The following KCNIP4 variants were observed in gnomAD, a reference collection of about 807,000 sequenced individuals.
KCNIP4 encodes potassium voltage-gated channel interacting protein 4, also known as Kv channel-interacting protein 4.
In KCNIP4, 12 loss-of-function variants were observed where a neutral mutation model predicts 34.0. That is an observed-to-expected ratio of 0.35 (90% CI 0.23 to 0.57). KCNIP4 has a LOEUF of 0.57. Ranked by LOEUF, KCNIP4 falls within the 20% of genes least tolerant of loss-of-function variation. The pLI is 0.83. For missense variants in KCNIP4, 238 were observed against 311.7 expected (o/e 0.76, Z 1.78); for synonymous variants, 124 against 102.2 (o/e 1.21, Z -1.29).
At chr4:21,191,049 C>T (rs746829821) in intron 1 of KCNIP4, among the ~76,000 whole-genome samples, 1 of 152,146 alleles carries the variant, frequency 6.6e-6, no homozygotes, top group Non-Finnish European at 1.5e-5. Flanking sequence ...AATCTGCTAG[C>T]GTTATTTTTT....
chr4:21,385,595 C>T lies in KCNIP4; in HGVS notation c.62-502886G>A, dbSNP rs140781132. Among the ~76,000 whole-genome samples, 6 of 152,144 alleles carry T rather than the reference C, an allele frequency of 3.9e-5. No homozygotes were observed. In the East Asian group the frequency reaches 7.7e-4, roughly 20 times the overall value. On this transcript the variant is annotated intron_variant, in intron 1 of 8. Transcript: ENST00000382152. ...AGTGCTAAAACATATAGAATGATTG[C>T]GAATAGCAAAAGGATTCACATATTT...
rs972721310 is a variant in KCNIP4 at position 20,873,186 on chromosome 4, C to T, written c.163+9422G>A. On this transcript the variant is annotated intron_variant, in intron 2 of 8. Coordinates refer to ENST00000382152, the MANE Select transcript of KCNIP4 (RefSeq NM_025221.6). ...AGGCAGGGCAGTCTAGTGGTAAAGA[C>T]ACTAAGCTTTGGTATTATGCCATTG... Among the ~76,000 whole-genome samples, 26 of 152,180 alleles carry T rather than the reference C, an allele frequency of 1.7e-4. 1 individual carries two copies. Among genetic ancestry groups the T allele is most frequent in the Non-Finnish European group, 5.9e-5 (4 of 68,032 alleles).
At chr4:21,772,394 T>C (rs1450041790) in intron 1 of KCNIP4, among the ~76,000 whole-genome samples, 1 of 152,128 alleles carries the variant, frequency 6.6e-6, no homozygotes, top group Non-Finnish European at 1.5e-5. Flanking sequence ...TCTTTTTTTG[T>C]TTTGTCTCTT....
At chr4:20,949,944 C>G (rs1309550440) in intron 1 of KCNIP4, among the ~76,000 whole-genome samples, 1 of 150,198 alleles carries the variant, frequency 6.7e-6, no homozygotes, top group African/African-American at 2.5e-5. Context: ...ACCAGCATGG[C>G]ACATGTATAC....
intron 1 of KCNIP4, among the ~76,000 whole-genome samples, chr4:21,738,438 C>T (rs1440239179): frequency 2.6e-5 from 4 of 152,080 alleles, no homozygotes; most frequent in African/African-American, 9.7e-5. Flanking sequence ...ATAACTTAAG[C>T]CTAAACAAAA....
intron 1 of KCNIP4, among the ~76,000 whole-genome samples, chr4:21,318,287 T>C (rs959756358): frequency 2.6e-5 from 4 of 152,206 alleles, no homozygotes; most frequent in Admixed American, 6.5e-5. Flanking sequence ...AATAAGCCTT[T>C]TGTGTTATCA....
chr4:20,803,727 GAGGAAGGA>G (rs1553898989), intron 3 of KCNIP4, among the ~76,000 whole-genome samples: 1 of 91,442 alleles, frequency 1.1e-5, no homozygotes, highest in Non-Finnish European at 2.4e-5. Flanking sequence ...GAGAGAGAGA[GAGGAAGGA>G]AGGAAGGAAG....
chr4:21,654,497 G>GTTT (rs74402567), intron 1 of KCNIP4, among the ~76,000 whole-genome samples: 1 of 144,382 alleles, frequency 6.9e-6, no homozygotes, highest in African/African-American at 2.6e-5. Flanking sequence ...TGATTAAAAT[G>GTTT]TTTTTTTTTT....
At chr4:21,203,051 T>C (rs1421625539) in intron 1 of KCNIP4, among the ~76,000 whole-genome samples, 1 of 152,224 alleles carries the variant, frequency 6.6e-6, no homozygotes. Context: ...ACTTGGCTAC[T>C]CTCCTGAGCT....
chr4:21,272,131 T>C (rs758824052), intron 1 of KCNIP4, among the ~76,000 whole-genome samples: 4 of 152,164 alleles, frequency 2.6e-5, no homozygotes, highest in Non-Finnish European at 4.4e-5. Flanking sequence ...GACTGCTGGG[T>C]TCCATTCATA....
intron 3 of KCNIP4, among the ~76,000 whole-genome samples, chr4:20,764,707 C>CA (rs1553892150): frequency 6.6e-6 from 1 of 151,312 alleles, no homozygotes; most frequent in Non-Finnish European, 1.5e-5. Context: ...CACACACACA[C>CA]AACCCCATGA....
At position 20,904,273 on chromosome 4, in the gene KCNIP4, G is replaced by A. The variant is rs529658039; in HGVS notation, c.62-21564C>T. 1.0e-4 allele frequency among the ~76,000 whole-genome samples: 15 copies of A among 150,644 alleles called. No homozygotes were observed. In the South Asian group the frequency reaches 3.1e-3, roughly 31 times the overall value. On this transcript the variant is annotated intron_variant, in intron 1 of 8. Coordinates refer to ENST00000382152, the MANE Select transcript of KCNIP4 (RefSeq NM_025221.6). ...TTTTTATCAATGATTGATTTTATGG[G>A]GCATTGATTTATAATAGTAACAATA... is the stretch of plus-strand genomic sequence containing the variant.
intron 1 of KCNIP4, among the ~76,000 whole-genome samples, chr4:21,078,709 T>C (rs561960707): frequency 1.3e-5 from 2 of 152,232 alleles, no homozygotes; most frequent in South Asian, 4.1e-4. Flanking sequence ...ATGATGAGTT[T>C]ACATTAAATC....
chr4:21,848,687 C>T (rs1426366325), intron 1 of KCNIP4: 1 of 152,088 alleles, frequency 6.6e-6, no homozygotes, highest in Non-Finnish European at 1.5e-5. Flanking sequence ...GGTTCTTGAT[C>T]ATCACCGCAG....
At chr4:21,361,310 A>C (rs777344088) in intron 1 of KCNIP4, among the ~76,000 whole-genome samples, 4 of 152,068 alleles carry the variant, frequency 2.6e-5, no homozygotes, top group Admixed American at 6.6e-5. Context: ...ATCATAATGA[A>C]ATCATAATGA....
intron 1 of KCNIP4, among the ~76,000 whole-genome samples, chr4:21,646,280 C>T (rs141747221): frequency 3.0e-3 from 452 of 152,244 alleles, no homozygotes; most frequent in African/African-American, 0.01. Flanking sequence ...AATGTAGTTC[C>T]CACTGCCCGG....
At chr4:21,048,979 C>G (rs1270759738) in intron 1 of KCNIP4, among the ~76,000 whole-genome samples, 4 of 119,630 alleles carry the variant, frequency 3.3e-5, no homozygotes, top group Non-Finnish European at 4.8e-5. Flanking sequence ...GAGACGGAGT[C>G]TCGCTCTGTC....
At chr4:21,405,495 AG>A (rs1398242588) in intron 1 of KCNIP4, among the ~76,000 whole-genome samples, 1 of 152,200 alleles carries the variant, frequency 6.6e-6, no homozygotes, top group African/African-American at 2.4e-5. Flanking sequence ...ATATTTGGCA[AG>A]GCAGTGCTTA....
chr4:20,881,812 T>C (rs376150820), intron 2 of KCNIP4, among the ~76,000 whole-genome samples: 1 of 152,192 alleles, frequency 6.6e-6, no homozygotes, highest in Non-Finnish European at 1.5e-5. Flanking sequence ...GACATTAAGT[T>C]AAGCATAGAT....
Sources: gnomAD v4.1 joint callset for allele counts (sites outside exome capture counted in the v4.1 genomes callset) on GRCh38, gnomAD v4.1.1 for gene constraint, MANE v1.5 for transcripts, NCBI Gene and HGNC (gene_info 2026-07-23, HGNC 2026-07-21) for gene names.